ITPR1: variants seen among roughly 807,000 people sequenced by gnomAD.
The protein encoded by ITPR1 is inositol 1,4,5-trisphosphate-gated calcium channel ITPR1.
In ITPR1, 96 loss-of-function variants were observed where a neutral mutation model predicts 318.4. The ratio of observed to expected loss-of-function variants is 0.30; its 90% CI spans 0.26 to 0.36. The LOEUF is 0.36. Among genes scored for constraint, ITPR1 ranks in the 10% least tolerant of loss-of-function variants. ITPR1 has a pLI of 1.00. For missense variants in ITPR1, 2,440 were observed against 3,460.2 expected (o/e 0.71, Z 7.40); for synonymous variants, 1,312 against 1,289.9 (o/e 1.02, Z -0.37).
At chr3:4,804,118 C>T (rs1038730423) in intron 54 of ITPR1, among the ~76,000 whole-genome samples, 5 of 152,188 alleles carry the variant, frequency 3.3e-5, no homozygotes, top group African/African-American at 1.2e-4. Context: ...GCAATCCACC[C>T]GCCTCGGCCT....
chr3:4,617,484 G>C (rs922996694), intron 4 of ITPR1, among the ~76,000 whole-genome samples: 1 of 152,126 alleles, frequency 6.6e-6, no homozygotes, highest in African/African-American at 2.4e-5. Flanking sequence ...TTGTGTTGAG[G>C]CATTAAGCCC....
chr3:4,509,257 A>G (rs1279382493), intron 2 of ITPR1, among the ~76,000 whole-genome samples: 3 of 152,098 alleles, frequency 2.0e-5, no homozygotes, highest in Admixed American at 6.5e-5. Context: ...TGGAATTCAG[A>G]CTCACATATT....
chr3:4,650,631 G>GT (rs1327341323), intron 10 of ITPR1, among the ~76,000 whole-genome samples: 1 of 142,848 alleles, frequency 7.0e-6, no homozygotes, highest in Non-Finnish European at 1.5e-5. Context: ...GTGTGTGTGT[G>GT]TGTGTGTGTG....
intron 10 of ITPR1, 57 bp downstream of exon 10, chr3:4,645,785 G>GTC: frequency 9.1e-7 from 1 of 1,104,228 alleles, no homozygotes; most frequent in Non-Finnish European, 1.2e-6. Context: ...CCTGTATATA[G>GTC]GCTCTCTCTC....
At chr3:4,594,044 G>A (rs968308705) in intron 4 of ITPR1, among the ~76,000 whole-genome samples, 1 of 152,186 alleles carries the variant, frequency 6.6e-6, no homozygotes, top group African/African-American at 2.4e-5. Flanking sequence ...TTGAACCTGT[G>A]GCAGAGGCAG....
chr3:4,597,484 C>T (rs751115984), intron 4 of ITPR1, among the ~76,000 whole-genome samples: 6 of 152,028 alleles, frequency 3.9e-5, no homozygotes, highest in Non-Finnish European at 7.4e-5. Context: ...AATCCGAGGC[C>T]GTATAGAAGT....
intron 13 of ITPR1, 55 bp downstream of exon 13, chr3:4,658,333 G>T: frequency 1.4e-6 from 2 of 1,457,120 alleles, no homozygotes; most frequent in South Asian, 2.6e-5. Context: ...TAGGTGGCCT[G>T]ACCAGGTTTC....
At chr3:4,749,731 G>A (rs1250573309) in intron 44 of ITPR1, 1 of 152,544 alleles carries the variant, frequency 6.6e-6, no homozygotes, top group East Asian at 1.9e-4. Flanking sequence ...AGTTCCCATG[G>A]TAACTGTTTT....
At chr3:4,557,062 C>T (rs564181319) in intron 4 of ITPR1, among the ~76,000 whole-genome samples, 1 of 152,258 alleles carries the variant, frequency 6.6e-6, no homozygotes, top group Admixed American at 6.5e-5. Context: ...TAGTGATTGA[C>T]AATTGATGAC....
At chr3:4,591,519 A>G (rs1042902416) in intron 4 of ITPR1, among the ~76,000 whole-genome samples, 6 of 152,248 alleles carry the variant, frequency 3.9e-5, no homozygotes, top group Admixed American at 1.3e-4. Context: ...GCCTGGTTCA[A>G]CTTTGATTCA....
At chr3:4,717,216 C>A in intron 39 of ITPR1, 151 bp from the exon 40 acceptor site, 1 of 704,536 alleles carries the variant, frequency 1.4e-6, no homozygotes, top group Non-Finnish European at 2.5e-6. Context: ...CTGGCCGTGT[C>A]CTAAGCGCCC....
intron 4 of ITPR1, among the ~76,000 whole-genome samples, chr3:4,603,090 T>C (rs894277610): frequency 1.3e-5 from 2 of 152,042 alleles, no homozygotes; most frequent in African/African-American, 4.8e-5. Context: ...AATAAAATAA[T>C]AAAACATCCA....
At chr3:4,800,744 G>A (rs1559919054) in intron 54 of ITPR1, 144 bp downstream of exon 54, 4 of 833,356 alleles carry the variant, frequency 4.8e-6, no homozygotes, top group Non-Finnish European at 7.5e-6. Context: ...AGAAGCAGGG[G>A]ATGGCTGCAG....
intron 52 of ITPR1, among the ~76,000 whole-genome samples, chr3:4,793,901 TTTAA>T (rs1267273086): frequency 2.6e-5 from 4 of 152,236 alleles, no homozygotes; most frequent in Non-Finnish European, 5.9e-5. Flanking sequence ...CAGGGCTCTA[TTTAA>T]TTGTACCATA....
Position 4,795,275 on chromosome 3 carries a change from G to A in ITPR1, c.6931+88G>A. ...TCAGTTGTGGTTCCTGGATGTATTG[G>A]TGCAGTACTGGGGATCCCAGTTATC... On this transcript the variant is annotated intron_variant, in intron 53 of 61. Coordinates refer to ENST00000649015, the MANE Select transcript of ITPR1 (RefSeq NM_001378452.1). 5.3e-6 allele frequency: 7 copies of A among 1,318,768 alleles called. No homozygotes were observed. The South Asian group carries it at 7.4e-5, about 14-fold the overall frequency. The allele number at this position is 1,318,768 out of a possible 1,614,324, so 81.7% of individuals were successfully genotyped here.
intron 42 of ITPR1, among the ~76,000 whole-genome samples, chr3:4,728,465 G>A (rs2042680192): frequency 6.6e-6 from 1 of 152,118 alleles, no homozygotes; most frequent in African/African-American, 2.4e-5. Flanking sequence ...ATTTTTGTGG[G>A]TACATAGTAG....
rs368405302 is a variant in ITPR1 at position 4,818,200 on chromosome 3, C to T, written c.7986C>T (p.Thr2662=). Residue 2662 remains threonine (T), a synonymous_variant, in exon 60 of 62, where the codon ACC becomes ACT. Coordinates refer to ENST00000649015, the MANE Select transcript of ITPR1 (RefSeq NM_001378452.1). ...TCCTGGTGAAAGTAAAGGACTCCAC[C>T]GAATATACTGGGCCTGAGAGTTACG... ...FIVLVKVKDS[T]EYTGPESYVA... 215 of 1,592,536 alleles carry T rather than the reference C, an allele frequency of 1.4e-4. No individual in the cohort carries two copies. The highest frequency in any genetic ancestry group is 8.2e-4 in the African/African-American group (61 of 74,774).
intron 4 of ITPR1, among the ~76,000 whole-genome samples, chr3:4,595,014 T>C (rs1025506379): frequency 6.6e-6 from 1 of 152,198 alleles, no homozygotes; most frequent in Non-Finnish European, 1.5e-5. Flanking sequence ...GTTTGCCTGA[T>C]GTATGACTTG....
chr3:4,827,671 T>TG, intron 60 of ITPR1, among the ~76,000 whole-genome samples: 1 of 152,072 alleles, frequency 6.6e-6, no homozygotes, highest in Admixed American at 6.6e-5. Context: ...CTTTGTAGGG[T>TG]CTAAGATTCC....
Sources: gnomAD v4.1 joint callset for allele counts (sites outside exome capture counted in the v4.1 genomes callset) on GRCh38, gnomAD v4.1.1 for gene constraint, MANE v1.5 for transcripts, NCBI Gene and HGNC (gene_info 2026-07-23, HGNC 2026-07-21) for gene names.